The following DBX2 variants were observed in gnomAD, a reference collection of about 807,000 sequenced individuals.
The protein encoded by DBX2 is developing brain homeobox 2.
DBX2 carries 16 observed loss-of-function variants against 17.7 expected under a neutral mutation model. The observed-to-expected ratio is 0.90, with a 90% CI of 0.61 to 1.37. The LOEUF is 1.37. DBX2 is among the 40% of genes most tolerant of loss of function. The pLI, the probability that DBX2 is intolerant of heterozygous loss-of-function variation, is 0.00. For missense variants in DBX2, 538 were observed against 433.8 expected, an observed-to-expected ratio of 1.24 and a Z score of -2.13; for synonymous variants, 255 against 183.8, an observed-to-expected ratio of 1.39 and a Z score of -3.13.
At position 45,051,064 on chromosome 12, in the gene DBX2, A is replaced by C. The variant is rs1946531810; in HGVS notation, c.-137T>G. 9.5e-7 allele frequency: 1 copy of C among 1,053,176 alleles called. No homozygotes were observed. Among genetic ancestry groups the C allele is most frequent in the African/African-American group, 1.7e-5 (1 of 59,490 alleles). The allele number at this position is 1,053,176 out of a possible 1,614,324, so 65.2% of individuals were successfully genotyped here. A position where few individuals can be genotyped will look rare whatever the true frequency, so the allele number is the denominator to read the frequency against. Reference sequence around the variant, plus strand: ...GAGCGCGCGGAGCCAGGCAGGGAGGAAAGGCCACCCGGGACGGCGGCGGAC... The same window carrying C: ...GAGCGCGCGGAGCCAGGCAGGGAGGCAAGGCCACCCGGGACGGCGGCGGAC... On this transcript the variant is annotated 5_prime_UTR_variant, in exon 1 of 4. Coordinates refer to ENST00000332700, the MANE Select transcript of DBX2 (RefSeq NM_001004329.3).
At chr12:45,023,631 C>G in intron 3 of DBX2, 76 bp downstream of exon 3, 2 of 1,566,372 alleles carry the variant, frequency 1.3e-6, no homozygotes, top group Non-Finnish European at 1.7e-6. Flanking sequence ...CTACGGCCCA[C>G]CACCCTGAAC....
At chr12:45,023,665 G>A (rs377527307) in intron 3 of DBX2, 42 bp downstream of exon 3, 11 of 1,610,046 alleles carry the variant, frequency 6.8e-6, no homozygotes, top group Non-Finnish European at 9.3e-6. Flanking sequence ...TCTGATCTCA[G>A]AAGAAATCAG....
intron 1 of DBX2, among the ~76,000 whole-genome samples, chr12:45,049,026 T>G (rs1946515164): frequency 6.6e-6 from 1 of 152,224 alleles, no homozygotes; most frequent in South Asian, 2.1e-4. Flanking sequence ...TATTTTGAAA[T>G]AAGTATAGTA....
intron 2 of DBX2, among the ~76,000 whole-genome samples, chr12:45,025,835 C>A (rs1029130811): frequency 4.0e-5 from 5 of 123,522 alleles, no homozygotes; most frequent in African/African-American, 1.5e-4. Context: ...CAGGTTGAGT[C>A]AAGTATAAAA....
chr12:45,021,837 C>G (rs1471743207), intron 3 of DBX2, among the ~76,000 whole-genome samples: 2 of 131,216 alleles, frequency 1.5e-5, no homozygotes, highest in African/African-American at 5.6e-5. Context: ...GGCAGTATAT[C>G]TAACCTATCA....
At chr12:45,049,718 C>G (rs1323809255) in intron 1 of DBX2, among the ~76,000 whole-genome samples, 2 of 151,372 alleles carry the variant, frequency 1.3e-5, no homozygotes, top group Non-Finnish European at 1.5e-5. Flanking sequence ...AGAGGCTTTT[C>G]CCTTTTATCA....
Position 45,040,577 on chromosome 12 carries a change from G to A in DBX2, c.404-4463C>T, listed in dbSNP as rs1039532009. ...TCAGAGAAAACTTCATGAACTTTCC[G>A]TATGACTTATTTGAAGATACAGATT... On this transcript the variant is annotated intron_variant, in intron 1 of 3. Coordinates refer to ENST00000332700, the MANE Select transcript of DBX2 (RefSeq NM_001004329.3). 3.9e-5 allele frequency among the ~76,000 whole-genome samples: 6 copies of A among 152,148 alleles called. No homozygotes were observed. The South Asian group carries it at 6.2e-4, about 16-fold the overall frequency.
intron 1 of DBX2, among the ~76,000 whole-genome samples, chr12:45,048,424 C>A (rs2137033979): frequency 6.6e-6 from 1 of 152,304 alleles, no homozygotes; most frequent in East Asian, 1.9e-4. Flanking sequence ...GCTTCTCCAA[C>A]TCTTATGCTG....
intron 1 of DBX2, among the ~76,000 whole-genome samples, chr12:45,045,932 T>C (rs1214539460): frequency 6.6e-6 from 1 of 152,202 alleles, no homozygotes; most frequent in African/African-American, 2.4e-5. Context: ...CCCCTTAAAA[T>C]AACCCTCAAA....
rs2160987 is a variant in DBX2 at position 45,036,128 on chromosome 12, A to G, written c.404-14T>C. 0.047 allele frequency: 75,308 copies of G among 1,588,708 alleles called. 8,789 individuals are homozygous for G. Among genetic ancestry groups the G allele is most frequent in the East Asian group, 0.33 (14,620 of 44,348 alleles). ...GTTTGGAAGGTGCTGCAGAGAAAGC[A>G]TTGATCTCATTGATTAGCCATTTCT... is the stretch of plus-strand genomic sequence containing the variant. On this transcript the variant is annotated splice_polypyrimidine_tract_variant and intron_variant, in intron 1 of 3. Coordinates refer to ENST00000332700, the MANE Select transcript of DBX2 (RefSeq NM_001004329.3).
chr12:45,026,942 T>A (rs1405383397), intron 2 of DBX2, among the ~76,000 whole-genome samples: 1 of 152,198 alleles, frequency 6.6e-6, no homozygotes, highest in Non-Finnish European at 1.5e-5. Context: ...CAAGATCATA[T>A]CTTGAAGTCA....
At chr12:45,034,104 A>G (rs1946422968) in intron 2 of DBX2, among the ~76,000 whole-genome samples, 1 of 143,908 alleles carries the variant, frequency 6.9e-6, no homozygotes, top group Admixed American at 7.1e-5. Context: ...TCCCTATAAA[A>G]TAAGTACACA....
intron 2 of DBX2, among the ~76,000 whole-genome samples, chr12:45,031,615 T>G (rs751073921): frequency 6.6e-5 from 10 of 152,228 alleles, no homozygotes; most frequent in Non-Finnish European, 1.3e-4. Context: ...GTCTTCGCTA[T>G]TTTAAGTTGC....
Position 45,050,851 on chromosome 12 carries a change from G to C in DBX2, c.77C>G (p.Pro26Arg). 2 of 1,538,376 alleles carry C rather than the reference G, an allele frequency of 1.3e-6. No homozygotes were observed. Among genetic ancestry groups the C allele is most frequent in the Non-Finnish European group, 1.7e-6 (2 of 1,145,542 alleles). Residue 26 changes from proline (P) to arginine (R), a missense_variant, in exon 1 of 4, where the codon CCC (proline) becomes CGC (arginine). Coordinates refer to ENST00000332700, the MANE Select transcript of DBX2 (RefSeq NM_001004329.3). ...CAGGTTGCCAAAGCCGGGCGCAGCG[G>C]GGAGGTTGAGGAGCGCGGAGGAAGC... ...VVASSALLNL[P>R]AAPGFGNLGK...
At chr12:45,027,822 A>T (rs1421639095) in intron 2 of DBX2, among the ~76,000 whole-genome samples, 1 of 152,230 alleles carries the variant, frequency 6.6e-6, no homozygotes, top group East Asian at 1.9e-4. Context: ...GGGAATAACC[A>T]GTCAGTTACT....
rs567430678 is a variant in DBX2 at position 45,042,324 on chromosome 12, A to T, written c.404-6210T>A. ...CAGAATAAAAAGAAAAGGATATTTT[A>T]AGAAAGCCTTGTTCAAAGAAGGCTT... is the stretch of plus-strand genomic sequence containing the variant. On this transcript the variant is annotated intron_variant, in intron 1 of 3. Coordinates refer to ENST00000332700, the MANE Select transcript of DBX2 (RefSeq NM_001004329.3). Among the ~76,000 whole-genome samples the T allele has an allele frequency of 7.9e-5, 12 of 152,366 alleles. No individual in the cohort carries two copies. The South Asian group carries it at 2.5e-3, about 32-fold the overall frequency.
rs12313467 is a variant in DBX2, at chr12:45,044,517, A to G, written c.403+6008T>C. Among the ~76,000 whole-genome samples, 771 of 152,258 alleles carry G rather than the reference A, an allele frequency of 5.1e-3. 7 individuals carry two copies. Among genetic ancestry groups the G allele is most frequent in the African/African-American group, 0.017 (714 of 41,552 alleles). ...GATGGTCGCTTAGAGTTAACAAAAA[A>G]TTAAGGTTGTTATGGCATGGTCCCT... is the stretch of plus-strand genomic sequence containing the variant. On this transcript the variant is annotated intron_variant, in intron 1 of 3. Transcript: ENST00000332700.
At chr12:45,044,999 T>C (rs1431194631) in intron 1 of DBX2, among the ~76,000 whole-genome samples, 2 of 152,134 alleles carry the variant, frequency 1.3e-5, no homozygotes, top group Non-Finnish European at 2.9e-5. Context: ...AAGGGCCTGG[T>C]AAGTATGTTA....
intron 2 of DBX2, among the ~76,000 whole-genome samples, chr12:45,030,066 G>T (rs1217791695): frequency 6.6e-6 from 1 of 151,992 alleles, no homozygotes; most frequent in African/African-American, 2.4e-5. Context: ...GCTACAAATG[G>T]AGGTACACTG....
Sources: gnomAD v4.1 joint callset for allele counts (sites outside exome capture counted in the v4.1 genomes callset) on GRCh38, gnomAD v4.1.1 for gene constraint, MANE v1.5 for transcripts, NCBI Gene and HGNC (gene_info 2026-07-23, HGNC 2026-07-21) for gene names.